Variants in TRIM71 observed in about 807,000 individuals in gnomAD.
The protein encoded by TRIM71 is E3 ubiquitin-protein ligase TRIM71.
Under a neutral mutation model 61.2 loss-of-function variants are expected in TRIM71, and 9 were observed. That is an observed-to-expected ratio of 0.15 (90% CI 0.09 to 0.26). The LOEUF (loss-of-function observed/expected upper bound fraction) is 0.26, where lower values mean the gene tolerates loss of function less well. Among genes scored for constraint, TRIM71 ranks in the 10% least tolerant of loss-of-function variants. The probability of loss-of-function intolerance (pLI) is 1.00; values close to 1 mark genes in which losing one functional copy is unlikely to be tolerated. For missense variants in TRIM71, 998 were observed against 1,238.7 expected, an observed-to-expected ratio of 0.81 and a Z score of 2.92; for synonymous variants, 645 against 553.2, an observed-to-expected ratio of 1.17 and a Z score of -2.33.
intron 1 of TRIM71, among the ~76,000 whole-genome samples, chr3:32,849,077 G>A (rs965337284): frequency 6.6e-6 from 1 of 152,130 alleles, no homozygotes; most frequent in Admixed American, 6.6e-5. Flanking sequence ...CCTTAAGCTG[G>A]GGGTACTAAG....
intron 1 of TRIM71, among the ~76,000 whole-genome samples, chr3:32,860,100 T>TC (rs1696649114): frequency 7.1e-6 from 1 of 141,424 alleles, no homozygotes; most frequent in Non-Finnish European, 1.5e-5. Context: ...CCTCCCCTCT[T>TC]CTCTCCCCTT....
At chr3:32,836,664 A>G (rs1696338201) in intron 1 of TRIM71, among the ~76,000 whole-genome samples, 1 of 152,164 alleles carries the variant, frequency 6.6e-6, no homozygotes, top group Admixed American at 6.5e-5. Flanking sequence ...CTGTTAGTGA[A>G]TGGTTTCTTG....
Position 32,891,990 on chromosome 3 carries a change from ATCT to A in TRIM71, c.*181_*183del. 3 of 862,610 alleles carry A rather than the reference ATCT, an allele frequency of 3.5e-6. No homozygotes were observed. Among genetic ancestry groups the A allele is most frequent in the Non-Finnish European group, 5.0e-6 (3 of 599,486 alleles). 53.4% of individuals were successfully genotyped at this position (862,610 alleles called of 1,614,324 possible). ...TACAACATTGCTTAAGTCCTACCTCATCTTTATTTTTTTACAGATGAATGTACT... is the reference window on the plus strand; with the variant it reads ...TACAACATTGCTTAAGTCCTACCTCATTATTTTTTTACAGATGAATGTACT... On this transcript the variant is annotated 3_prime_UTR_variant, in exon 4 of 4. Coordinates refer to ENST00000383763, the MANE Select transcript of TRIM71 (RefSeq NM_001039111.3). This position sits in a 1 kb window ranked among gnomAD's most constrained non-coding sequence, Gnocchi z 8.2.
intron 1 of TRIM71, among the ~76,000 whole-genome samples, chr3:32,859,292 G>T (rs867404868): frequency 6.6e-6 from 1 of 152,080 alleles, no homozygotes; most frequent in Non-Finnish European, 1.5e-5. Context: ...ACAGTGTCTC[G>T]CTTTATTGCC....
chr3:32,867,299 T>C (rs762701048), intron 1 of TRIM71, among the ~76,000 whole-genome samples: 2 of 152,074 alleles, frequency 1.3e-5, no homozygotes, highest in Non-Finnish European at 2.9e-5. Flanking sequence ...ATAATACATA[T>C]AATGGGACTG....
rs1179520182 is a variant in TRIM71 at position 32,844,835 on chromosome 3, A to G, written c.852+25903A>G. 5.9e-5 allele frequency among the ~76,000 whole-genome samples: 9 copies of G among 152,310 alleles called. No homozygotes were observed. In the East Asian group the frequency reaches 1.7e-3, roughly 29 times the overall value. Reference sequence around the variant, plus strand: ...CCCTCCTCTGAGCCACCTTGAAAAGATAGCCAGTGGAGACATTGTATTTCT... The same window carrying G: ...CCCTCCTCTGAGCCACCTTGAAAAGGTAGCCAGTGGAGACATTGTATTTCT... On this transcript the variant is annotated intron_variant, in intron 1 of 3. Transcript: ENST00000383763.
intron 1 of TRIM71, among the ~76,000 whole-genome samples, chr3:32,870,881 C>T (rs572012907): frequency 3.9e-5 from 6 of 152,224 alleles, no homozygotes; most frequent in Admixed American, 2.0e-4. Flanking sequence ...GCCATGGTCA[C>T]GGCTCACTGC....
chr3:32,821,015 A>G (rs1696121015), intron 1 of TRIM71, among the ~76,000 whole-genome samples: 1 of 152,356 alleles, frequency 6.6e-6, no homozygotes, highest in South Asian at 2.1e-4. Context: ...TAAAGGTGAC[A>G]AACCAGTGTT....
intron 1 of TRIM71, among the ~76,000 whole-genome samples, chr3:32,857,119 C>A (rs1023611747): frequency 2.0e-5 from 3 of 152,216 alleles, no homozygotes; most frequent in Non-Finnish European, 2.9e-5. Flanking sequence ...CAAGGTCACC[C>A]AACTGCCATG....
intron 1 of TRIM71, 73 bp downstream of exon 1, chr3:32,819,005 T>G: frequency 5.2e-5 from 78 of 1,507,564 alleles, no homozygotes; most frequent in Non-Finnish European, 6.9e-5. Flanking sequence ...TCCCGGCCGG[T>G]CCCACAGCGA....
Position 32,848,613 on chromosome 3 carries a change from C to A in TRIM71, c.853-25205C>A, listed in dbSNP as rs146938411. ...TTTGGGAAACGAGGCTCAAAAATAC[C>A]CCTAGTTTTGTCTATGATTAGGGTC... On this transcript the variant is annotated intron_variant, in intron 1 of 3. Transcript: ENST00000383763. 2.6e-3 allele frequency among the ~76,000 whole-genome samples: 395 copies of A among 152,090 alleles called. 2 individuals are homozygous for A. Among genetic ancestry groups the A allele is most frequent in the African/African-American group, 9.3e-3 (385 of 41,482 alleles).
intron 1 of TRIM71, among the ~76,000 whole-genome samples, chr3:32,835,237 A>T (rs1326401203): frequency 6.6e-6 from 1 of 152,190 alleles, no homozygotes; most frequent in South Asian, 2.1e-4. Flanking sequence ...GTGTAACATG[A>T]TGGGGGGAGT....
chr3:32,893,701 T>A lies in TRIM71; in HGVS notation c.*1890T>A, dbSNP rs1013689049. 2.6e-5 allele frequency: 4 copies of A among 152,194 alleles called. No individual in the cohort carries two copies. The highest frequency in any genetic ancestry group is 4.4e-5 in the Non-Finnish European group (3 of 68,030). The allele number at this position is 152,194 out of a possible 1,614,324, so 9.4% of individuals were successfully genotyped here. A position where few individuals can be genotyped will look rare whatever the true frequency, so the allele number is the denominator to read the frequency against. On this transcript the variant is annotated 3_prime_UTR_variant, in exon 4 of 4. Transcript: ENST00000383763. ...CAAATGGAGCAATTTGTTTCTGTTA[T>A]CCCAATAGAAAAGGAGATGATGGGG...
In TRIM71 at chr3:32,818,641, C is replaced by A; in HGVS notation, c.561C>A (p.Ser187=). Residue 187 remains serine, a synonymous_variant, in exon 1 of 4, where the codon TCC becomes TCA. Transcript: ENST00000383763. ...CGGCACCCGGCGGCCCTGCCGCTTC[C>A]CCGTCGGCGCTGCTGCTCCGCCGTC... ...SRSAPGGPAA[S]PSALLLRRPH... The A allele has an allele frequency of 9.5e-6, 14 of 1,467,172 alleles. No homozygotes were observed. Among genetic ancestry groups the A allele is most frequent in the Non-Finnish European group, 1.3e-5 (14 of 1,118,684 alleles). The allele number at this position is 1,467,172 out of a possible 1,614,324, so 90.9% of individuals were successfully genotyped here.
chr3:32,844,774 C>T (rs1483885039), intron 1 of TRIM71, among the ~76,000 whole-genome samples: 1 of 152,138 alleles, frequency 6.6e-6, no homozygotes, highest in Non-Finnish European at 1.5e-5. Context: ...CAAGCCATAA[C>T]AATTCCTAGA....
intron 1 of TRIM71, among the ~76,000 whole-genome samples, chr3:32,853,675 G>A (rs918905631): frequency 2.6e-5 from 4 of 152,174 alleles, no homozygotes; most frequent in Admixed American, 1.3e-4. Context: ...GAGATAGCCC[G>A]TGGTAAGTTT....
At chr3:32,848,848 G>A (rs954457924) in intron 1 of TRIM71, among the ~76,000 whole-genome samples, 1 of 152,096 alleles carries the variant, frequency 6.6e-6, no homozygotes, top group Non-Finnish European at 1.5e-5. Flanking sequence ...CTTTCATGTG[G>A]TAGTGTCATG....
At chr3:32,858,717 G>T (rs1455933718) in intron 1 of TRIM71, among the ~76,000 whole-genome samples, 1 of 152,134 alleles carries the variant, frequency 6.6e-6, no homozygotes, top group African/African-American at 2.4e-5. Flanking sequence ...AAATATTTAG[G>T]TTTCTTGTGC....
chr3:32,888,607 C>G (rs1425873947), intron 3 of TRIM71, among the ~76,000 whole-genome samples: 1 of 152,010 alleles, frequency 6.6e-6, no homozygotes, highest in Non-Finnish European at 1.5e-5. Flanking sequence ...GTGGCACGAT[C>G]TCGGCTCACT....
Sources: gnomAD v4.1 joint callset for allele counts (sites outside exome capture counted in the v4.1 genomes callset) on GRCh38, gnomAD v4.1.1 for gene constraint, Gnocchi (gnomAD v3.1) non-coding constraint, MANE v1.5 for transcripts, NCBI Gene and HGNC (gene_info 2026-07-23, HGNC 2026-07-21) for gene names.